Variants in ZC3H6 observed in about 807,000 individuals in gnomAD.
ZC3H6 encodes the protein zinc finger CCCH-type containing 6, also known as zinc finger CCCH domain-containing protein 6.
In ZC3H6, 40 loss-of-function variants were observed where a neutral mutation model predicts 107.7. The ratio of observed to expected loss-of-function variants is 0.37; its 90% CI spans 0.29 to 0.48. The LOEUF is 0.48. ZC3H6 is among the 20% of genes least tolerant of loss of function. The pLI is 0.98. For synonymous variants in ZC3H6, 493 were observed against 487.9 expected, an observed-to-expected ratio of 1.01 and a Z score of -0.14; for missense variants, 1,267 against 1,410.4, an observed-to-expected ratio of 0.90 and a Z score of 1.63.
In ZC3H6 at chr2:112,313,751, A is replaced by G. The variant is rs544591781; in HGVS notation, c.747+1814A>G. Among the ~76,000 whole-genome samples, 6 of 152,322 alleles carry G rather than the reference A, an allele frequency of 3.9e-5. No homozygotes were observed. The East Asian group carries it at 7.7e-4, about 20-fold the overall frequency. On this transcript the variant is annotated intron_variant, in intron 5 of 11. Transcript: ENST00000409871. ...TTCAGGAATGGTCTGCAGGTGGCCC[A>G]TCCAGAATAGCATGAACATGGAGGC...
At chr2:112,305,979 C>T (rs1025416776) in intron 3 of ZC3H6, among the ~76,000 whole-genome samples, 1 of 152,132 alleles carries the variant, frequency 6.6e-6, no homozygotes, top group Non-Finnish European at 1.5e-5. Context: ...CAGAGCCTTG[C>T]TCTGCTACCC....
At chr2:112,300,770 GA>G (rs1283446192) in intron 2 of ZC3H6, among the ~76,000 whole-genome samples, 1 of 152,108 alleles carries the variant, frequency 6.6e-6, no homozygotes, top group African/African-American at 2.4e-5. Flanking sequence ...GGAAAGCTAT[GA>G]AAAAAACAAC....
chr2:112,303,962 C>T (rs190833051), intron 3 of ZC3H6, among the ~76,000 whole-genome samples: 3 of 152,318 alleles, frequency 2.0e-5, no homozygotes, highest in Admixed American at 2.0e-4. Flanking sequence ...GTCCAACTGT[C>T]TGAGGAACCA....
chr2:112,309,777 C>T, intron 3 of ZC3H6, 108 bp from the exon 4 acceptor site: 3 of 1,113,248 alleles, frequency 2.7e-6, no homozygotes, highest in Non-Finnish European at 3.8e-6. Context: ...TAATAACTGT[C>T]TTTTCTCCTT....
In ZC3H6 at chr2:112,337,513, G is replaced by A. The variant is rs1167809516; in HGVS notation, c.*5025G>A. 6.6e-6 allele frequency: 1 copy of A among 151,248 alleles called. No homozygotes were observed. Among genetic ancestry groups the A allele is most frequent in the Non-Finnish European group, 1.5e-5 (1 of 67,826 alleles). The allele number at this position is 151,248 out of a possible 1,614,324, so 9.4% of individuals were successfully genotyped here. A position where few individuals can be genotyped will look rare whatever the true frequency, so the allele number is the denominator to read the frequency against. On this transcript the variant is annotated 3_prime_UTR_variant, in exon 12 of 12. Coordinates refer to ENST00000409871, the MANE Select transcript of ZC3H6 (RefSeq NM_198581.3). ...AATTTATTGTATTTACTAGAGACGG[G>A]GTTTCACCATGTTGATCAGGCTGAT...
rs796793006 is a variant in ZC3H6, at chr2:112,338,016, CT to C, written c.*5530del. 20 of 152,034 alleles carry C rather than the reference CT, an allele frequency of 1.3e-4. 1 individual carries two copies. Among genetic ancestry groups the C allele is most frequent in the African/African-American group, 4.8e-4 (20 of 41,438 alleles). 9.4% of individuals were successfully genotyped at this position (152,034 alleles called of 1,614,324 possible). A position where few individuals can be genotyped will look rare whatever the true frequency, so the allele number is the denominator to read the frequency against. ...CCAGGCTGGAGTGTAGTGGCATGATCTTGGCTCACTGCAACCTCTGCCTCTG... is the reference window on the plus strand; with the variant it reads ...CCAGGCTGGAGTGTAGTGGCATGATCTGGCTCACTGCAACCTCTGCCTCTG... On this transcript the variant is annotated 3_prime_UTR_variant, in exon 12 of 12. Coordinates refer to ENST00000409871, the MANE Select transcript of ZC3H6 (RefSeq NM_198581.3).
chr2:112,310,300 G>A, intron 4 of ZC3H6, 139 bp downstream of exon 4: 4 of 839,186 alleles, frequency 4.8e-6, no homozygotes, highest in East Asian at 5.4e-5. Flanking sequence ...CTTTTATTTT[G>A]TAGACCTTGA....
In ZC3H6 at chr2:112,310,862, T is replaced by C. The variant is rs185732616; in HGVS notation, c.613+701T>C. Among the ~76,000 whole-genome samples the C allele has an allele frequency of 6.4e-4, 98 of 152,370 alleles. 1 individual carries two copies. Among genetic ancestry groups the C allele is most frequent in the African/African-American group, 2.3e-3 (96 of 41,590 alleles). Reference sequence around the variant, plus strand: ...TATCTTTGCATACAGGAATCAGTTATGAGTAAATTTGGTTATTTCTATGAC... The same window carrying C: ...TATCTTTGCATACAGGAATCAGTTACGAGTAAATTTGGTTATTTCTATGAC... On this transcript the variant is annotated intron_variant, in intron 4 of 11. Transcript: ENST00000409871.
At chr2:112,310,840 C>G (rs1676579364) in intron 4 of ZC3H6, among the ~76,000 whole-genome samples, 1 of 152,196 alleles carries the variant, frequency 6.6e-6, no homozygotes, top group Admixed American at 6.5e-5. Flanking sequence ...CTTTAATTAT[C>G]TTTGCATACA....
chr2:112,322,628 AT>A lies in ZC3H6; in HGVS notation c.1087-20del. ...GGAAAAGACTCGCTTTGAAATAGTA[AT>A]CTTTGCCAATTATTTTTAGGTGTTG... is the stretch of plus-strand genomic sequence containing the variant. On this transcript the variant is annotated intron_variant, in intron 8 of 11. Coordinates refer to ENST00000409871, the MANE Select transcript of ZC3H6 (RefSeq NM_198581.3). 6.4e-7 allele frequency: 1 copy of A among 1,574,578 alleles called. No individual in the cohort carries two copies. Among genetic ancestry groups the A allele is most frequent in the South Asian group, 1.2e-5 (1 of 84,262 alleles).
At chr2:112,294,033 A>G (rs1190425299) in intron 1 of ZC3H6, among the ~76,000 whole-genome samples, 3 of 152,212 alleles carry the variant, frequency 2.0e-5, no homozygotes, top group African/African-American at 7.2e-5. Flanking sequence ...TCATGGAACC[A>G]GGGAAGGTGG....
Position 112,319,996 on chromosome 2 carries a change from G to A in ZC3H6, c.977-1760G>A, listed in dbSNP as rs186789022. 6.1e-3 allele frequency among the ~76,000 whole-genome samples: 928 copies of A among 152,192 alleles called. 7 individuals carry two copies. Among genetic ancestry groups the A allele is most frequent in the Admixed American group, 0.01 (155 of 15,282 alleles). ...TGCCCAGGCTGGAGTCCAATGGCGC[G>A]TTCTCCGCTCACTGCAACCTCTGCC... On this transcript the variant is annotated intron_variant, in intron 7 of 11. Transcript: ENST00000409871.
At chr2:112,326,819 G>T (rs1156837789) in intron 11 of ZC3H6, among the ~76,000 whole-genome samples, 1 of 151,842 alleles carries the variant, frequency 6.6e-6, no homozygotes, top group African/African-American at 2.4e-5. Flanking sequence ...CACTGTGTTG[G>T]CCACGCTTGT....
At position 112,324,500 on chromosome 2, in the gene ZC3H6, A is replaced by C. The variant is rs1676868849; in HGVS notation, c.1689A>C (p.Val563=). The C allele has an allele frequency of 6.2e-7, 1 of 1,613,394 alleles. No individual in the cohort carries two copies. The change falls in exon 10 of 12, where the codon GTA becomes GTC. Residue 563 remains valine (V), a synonymous_variant. Coordinates refer to ENST00000409871, the MANE Select transcript of ZC3H6 (RefSeq NM_198581.3). Reference sequence around the variant, plus strand: ...GCTTTCCAGGACATGTGATGAAAGTACCCAGAGAGAATCACTGTTCTCCAG... The same window carrying C: ...GCTTTCCAGGACATGTGATGAAAGTCCCCAGAGAGAATCACTGTTCTCCAG... The part of the protein sequence containing the change: ...SPGFPGHVMK[V]PRENHCSPGS...
At chr2:112,301,689 A>T (rs1373486652) in intron 2 of ZC3H6, among the ~76,000 whole-genome samples, 1 of 152,186 alleles carries the variant, frequency 6.6e-6, no homozygotes, top group Non-Finnish European at 1.5e-5. Context: ...CAAAAAATTA[A>T]GAAAACAATA....
rs1677071710 is a variant in ZC3H6, at chr2:112,333,256, G to T, written c.*768G>T. The T allele has an allele frequency of 6.6e-6, 1 of 152,458 alleles. No individual in the cohort carries two copies. The highest frequency in any genetic ancestry group is 1.9e-4 in the East Asian group (1 of 5,196). The allele number at this position is 152,458 out of a possible 1,614,324, so 9.4% of individuals were successfully genotyped here. ...GATGTTTATGTATGTCAATGTTTTTGTCTTTAACAGCATAATTTATATTGC... is the reference window on the plus strand; with the variant it reads ...GATGTTTATGTATGTCAATGTTTTTTTCTTTAACAGCATAATTTATATTGC... On this transcript the variant is annotated 3_prime_UTR_variant, in exon 12 of 12. Coordinates refer to ENST00000409871, the MANE Select transcript of ZC3H6 (RefSeq NM_198581.3).
Position 112,333,116 on chromosome 2 carries a change from A to G in ZC3H6, c.*628A>G, listed in dbSNP as rs773789734. On this transcript the variant is annotated 3_prime_UTR_variant, in exon 12 of 12. Transcript: ENST00000409871. ...TTGTATACTGTATCATAGAAGTTGG[A>G]GGTATATAAATAGAACATTTTGCTA... The G allele has an allele frequency of 3.9e-5, 6 of 152,584 alleles. No homozygotes were observed. Among genetic ancestry groups the G allele is most frequent in the African/African-American group, 1.2e-4 (5 of 41,442 alleles). 9.5% of individuals were successfully genotyped at this position (152,584 alleles called of 1,614,324 possible).
chr2:112,312,225 CT>C, intron 5 of ZC3H6: 1 of 224,022 alleles, frequency 4.5e-6, no homozygotes, highest in Non-Finnish European at 8.7e-6. Flanking sequence ...TTCTTTTGTG[CT>C]TTTCTTTCCT....
At position 112,336,947 on chromosome 2, in the gene ZC3H6, T is replaced by G. The variant is rs1677144865; in HGVS notation, c.*4459T>G. 6.6e-6 allele frequency: 1 copy of G among 152,230 alleles called. No individual in the cohort carries two copies. The highest frequency in any genetic ancestry group is 1.5e-5 in the Non-Finnish European group (1 of 68,036). 9.4% of individuals were successfully genotyped at this position (152,230 alleles called of 1,614,324 possible). On this transcript the variant is annotated 3_prime_UTR_variant, in exon 12 of 12. Coordinates refer to ENST00000409871, the MANE Select transcript of ZC3H6 (RefSeq NM_198581.3). ...CTACAGTGGGTGCTTTGTTAACTGC[T>G]TGTTGATGGCTTCCTGACATCCATC... is the stretch of plus-strand genomic sequence containing the variant.
Sources: allele counts gnomAD v4.1 joint callset (sites outside exome capture counted in the v4.1 genomes callset), GRCh38; gene constraint gnomAD v4.1.1; transcripts MANE v1.5; gene names NCBI Gene and HGNC (gene_info 2026-07-23, HGNC 2026-07-21).